Variants in SCML4 observed in about 807,000 individuals in gnomAD.
SCML4 encodes Scm polycomb group protein like 4.
A neutral mutation model predicts 41.1 loss-of-function variants in SCML4; 34 were observed. The ratio of observed to expected loss-of-function variants is 0.83; its 90% confidence interval spans 0.63 to 1.10. The LOEUF is 1.10. SCML4 is among the 50% of genes least tolerant of loss of function. SCML4 has a pLI of 0.00. For missense variants in SCML4, 522 were observed against 534.1 expected (o/e 0.98, Z 0.22); for synonymous variants, 214 against 220.9 (o/e 0.97, Z 0.28).
At chr6:107,781,491 A>G (rs1483308188) in intron 1 of SCML4, among the ~76,000 whole-genome samples, 1 of 152,060 alleles carries the variant, frequency 6.6e-6, no homozygotes, top group Non-Finnish European at 1.5e-5. Context: ...TACCGAAAAT[A>G]CAAAAATTAG....
At chr6:107,731,875 G>A (rs1280539503) in intron 5 of SCML4, 1 of 152,580 alleles carries the variant, frequency 6.6e-6, no homozygotes, top group African/African-American at 2.4e-5. Flanking sequence ...CCTGCGAGGA[G>A]AGGGGCAGGA....
intron 1 of SCML4, among the ~76,000 whole-genome samples, chr6:107,787,076 T>C (rs996203517): frequency 1.3e-5 from 2 of 152,152 alleles, no homozygotes; most frequent in African/African-American, 2.4e-5. Context: ...GTGTCGGCCC[T>C]GGACAGAATT....
At chr6:107,781,010 T>C (rs949190835) in intron 1 of SCML4, among the ~76,000 whole-genome samples, 3 of 152,008 alleles carry the variant, frequency 2.0e-5, no homozygotes, top group Non-Finnish European at 4.4e-5. Flanking sequence ...CAGACTATGG[T>C]TGTAGTTGTT....
At chr6:107,707,251 G>A (rs1294724171) in intron 7 of SCML4, among the ~76,000 whole-genome samples, 1 of 152,140 alleles carries the variant, frequency 6.6e-6, no homozygotes, top group Non-Finnish European at 1.5e-5. Flanking sequence ...GCAGTGAGCC[G>A]AGATTGAGAT....
intron 1 of SCML4, among the ~76,000 whole-genome samples, chr6:107,802,729 CCTCCCTCTCCCTCTCCCCACGGT>C (rs1783291328): frequency 1.4e-5 from 2 of 139,256 alleles, no homozygotes; most frequent in Admixed American, 1.4e-4. Context: ...TCCCTCTCCC[CCTCCCTCTCCCTCTCCCCACGGT>C]CTCCCTCTCC....
intron 1 of SCML4, among the ~76,000 whole-genome samples, chr6:107,803,651 A>G (rs80185340): frequency 0.064 from 8,697 of 135,122 alleles, 187 homozygotes; most frequent in East Asian, 0.1. Context: ...GATGGTTGCC[A>G]TGTCTGTGTA....
At chr6:107,764,913 T>G (rs1285631905) in intron 2 of SCML4, among the ~76,000 whole-genome samples, 3 of 152,192 alleles carry the variant, frequency 2.0e-5, no homozygotes, top group Non-Finnish European at 4.4e-5. Flanking sequence ...TGCCACCATA[T>G]AAGACATACT....
intron 1 of SCML4, among the ~76,000 whole-genome samples, chr6:107,808,526 C>G (rs1783917923): frequency 6.6e-6 from 1 of 152,134 alleles, no homozygotes; most frequent in South Asian, 2.1e-4. Context: ...CCCACCGCGG[C>G]CTCCCAGAGT....
At chr6:107,742,269 T>G (rs1777656737) in intron 5 of SCML4, among the ~76,000 whole-genome samples, 2 of 152,088 alleles carry the variant, frequency 1.3e-5, no homozygotes, top group African/African-American at 2.4e-5. Flanking sequence ...TGAGAATTAA[T>G]GAAGATCACT....
chr6:107,744,023 G>T (rs192722708), intron 5 of SCML4: 10 of 152,292 alleles, frequency 6.6e-5, no homozygotes, highest in African/African-American at 2.4e-4. Flanking sequence ...CCAAGGCAGG[G>T]TCTCACACAG....
At chr6:107,723,026 GCTA>G (rs1775587474) in intron 5 of SCML4, among the ~76,000 whole-genome samples, 1 of 151,940 alleles carries the variant, frequency 6.6e-6, no homozygotes, top group Non-Finnish European at 1.5e-5. Flanking sequence ...CAAGCCTTTA[GCTA>G]CATTGACAAA....
At chr6:107,828,655 C>T (rs1785319551), upstream of SCML4, among the ~76,000 whole-genome samples, 1 of 152,150 alleles carries the variant, frequency 6.6e-6, no homozygotes, top group South Asian at 2.1e-4. Flanking sequence ...CTCCAGAGGC[C>T]CCACAGCTTC....
rs529538539 is a variant in SCML4 at position 107,751,681 on chromosome 6, G to T, written c.157-1868C>A. Reference sequence around the variant, plus strand: ...AGGGAGTTTCGCTCTTGTTGCCCAGGCTGGAGTGCAATGGCACCATCTCAG... The same window carrying T: ...AGGGAGTTTCGCTCTTGTTGCCCAGTCTGGAGTGCAATGGCACCATCTCAG... On this transcript the variant is annotated intron_variant, in intron 2 of 7. Coordinates refer to ENST00000369020, the MANE Select transcript of SCML4 (RefSeq NM_198081.5). 3.4e-3 allele frequency among the ~76,000 whole-genome samples: 485 copies of T among 143,738 alleles called. 2 individuals carry two copies. The highest frequency in any genetic ancestry group is 3.7e-3 in the Non-Finnish European group (248 of 66,884). The allele number at this position is 143,738 out of a possible 152,430, so 94.3% of individuals were successfully genotyped here.
upstream of SCML4, among the ~76,000 whole-genome samples, chr6:107,829,256 C>T (rs552276994): frequency 6.6e-6 from 1 of 151,952 alleles, no homozygotes; most frequent in African/African-American, 2.4e-5. Context: ...CATGGTGGTG[C>T]GTGCCTGTAG....
chr6:107,742,703 A>G (rs1279553063), intron 5 of SCML4, among the ~76,000 whole-genome samples: 1 of 152,248 alleles, frequency 6.6e-6, no homozygotes, highest in East Asian at 1.9e-4. Flanking sequence ...TCAAGCAGTT[A>G]TCCTTCAAAT....
chr6:107,777,194 T>C (rs9373979), intron 1 of SCML4, among the ~76,000 whole-genome samples: 150,274 of 152,180 alleles, frequency 0.99, 74,233 homozygotes, highest in Middle Eastern at 1. Flanking sequence ...CTCGGCTCGC[T>C]GCAACCTCCG....
At chr6:107,769,656 T>A (rs1780357009) in intron 2 of SCML4, among the ~76,000 whole-genome samples, 1 of 152,222 alleles carries the variant, frequency 6.6e-6, no homozygotes, top group South Asian at 2.1e-4. Flanking sequence ...ATCATTATAA[T>A]AATGTTATTA....
At chr6:107,816,241 A>C (rs1458129695) in intron 1 of SCML4, among the ~76,000 whole-genome samples, 1 of 152,202 alleles carries the variant, frequency 6.6e-6, no homozygotes, top group Non-Finnish European at 1.5e-5. Flanking sequence ...AAGATAAACC[A>C]TGTTTCATGC....
intron 1 of SCML4, among the ~76,000 whole-genome samples, chr6:107,782,542 A>T (rs1781588835): frequency 6.6e-6 from 1 of 152,244 alleles, no homozygotes; most frequent in South Asian, 2.1e-4. Context: ...CCTCAGCTGC[A>T]TTTCTTACTC....
Sources: gnomAD v4.1 joint callset for allele counts (sites outside exome capture counted in the v4.1 genomes callset) on GRCh38, gnomAD v4.1.1 for gene constraint, MANE v1.5 for transcripts, NCBI Gene and HGNC (gene_info 2026-07-23, HGNC 2026-07-21) for gene names.